The following GNAL variants were observed in gnomAD, a reference collection of about 807,000 sequenced individuals.
GNAL encodes G protein subunit alpha L, also known as guanine nucleotide-binding protein G(olf) subunit alpha.
A neutral mutation model predicts 55.1 loss-of-function variants in GNAL; 18 were observed. The ratio of observed to expected loss-of-function variants is 0.33; its 90% CI spans 0.23 to 0.48. GNAL has a LOEUF of 0.48. Ranked by LOEUF, GNAL falls within the 20% of genes least tolerant of loss-of-function variation. GNAL has a pLI of 0.99. For synonymous variants in GNAL, 253 were observed against 237.0 expected, an observed-to-expected ratio of 1.07 and a Z score of -0.62; for missense variants, 412 against 614.1, an observed-to-expected ratio of 0.67 and a Z score of 3.48.
chr18:11,740,386 G>C (rs2032551963), intron 1 of GNAL, among the ~76,000 whole-genome samples: 1 of 152,042 alleles, frequency 6.6e-6, no homozygotes, highest in African/African-American at 2.4e-5. Flanking sequence ...ACCAAGATCT[G>C]GGTACCGTCC....
At chr18:11,727,050 C>T (rs1351973501) in intron 1 of GNAL, among the ~76,000 whole-genome samples, 2 of 152,074 alleles carry the variant, frequency 1.3e-5, no homozygotes, top group Non-Finnish European at 2.9e-5. Context: ...TGTGCGTCCT[C>T]CACACCCCCA....
intron 1 of GNAL, among the ~76,000 whole-genome samples, chr18:11,719,126 A>G (rs1281746617): frequency 6.6e-6 from 1 of 152,188 alleles, no homozygotes; most frequent in East Asian, 1.9e-4. Context: ...TGTGTACTAT[A>G]TATTCTCCAA....
intron 1 of GNAL, among the ~76,000 whole-genome samples, chr18:11,715,987 CT>C (rs987470487): frequency 2.6e-5 from 4 of 151,824 alleles, no homozygotes; most frequent in African/African-American, 9.7e-5. Context: ...ATTAAAAAGA[CT>C]ACTATTAAAA....
At chr18:11,849,169 T>TA (rs2035799735) in intron 5 of GNAL, among the ~76,000 whole-genome samples, 1 of 152,210 alleles carries the variant, frequency 6.6e-6, no homozygotes, top group Admixed American at 6.5e-5. Context: ...CTCTCATGAT[T>TA]ATATTCCAAA....
At chr18:11,846,366 T>TCTAA (rs755553278) in intron 5 of GNAL, among the ~76,000 whole-genome samples, 28 of 150,932 alleles carry the variant, frequency 1.9e-4, no homozygotes, top group Admixed American at 5.3e-4. Context: ...TCTATTTCTT[T>TCTAA]CTCTTTCTTA....
intron 1 of GNAL, among the ~76,000 whole-genome samples, chr18:11,715,416 G>C (rs532716330): frequency 2.7e-5 from 4 of 147,466 alleles, no homozygotes; most frequent in Non-Finnish European, 1.5e-5. Context: ...AGCCGAGATC[G>C]CGCCACTGCA....
chr18:11,744,788 G>A (rs897559523), intron 1 of GNAL, among the ~76,000 whole-genome samples: 4 of 152,220 alleles, frequency 2.6e-5, no homozygotes, highest in Non-Finnish European at 4.4e-5. Flanking sequence ...ATGACTCACT[G>A]CAGCCTCGAC....
At chr18:11,763,852 G>A (rs946249485) in intron 4 of GNAL, among the ~76,000 whole-genome samples, 2 of 152,092 alleles carry the variant, frequency 1.3e-5, no homozygotes, top group Non-Finnish European at 2.9e-5. Context: ...TTGCTCAGCC[G>A]ACCTTTTTTG....
intron 4 of GNAL, among the ~76,000 whole-genome samples, chr18:11,783,935 A>G (rs1199356112): frequency 2.6e-5 from 4 of 152,170 alleles, no homozygotes; most frequent in African/African-American, 9.7e-5. Flanking sequence ...CATCAGTGTT[A>G]GTGGGGAGGA....
intron 4 of GNAL, among the ~76,000 whole-genome samples, chr18:11,781,604 A>T (rs2033926017): frequency 6.6e-6 from 1 of 152,252 alleles, no homozygotes; most frequent in Non-Finnish European, 1.5e-5. Flanking sequence ...ATTTTATATA[A>T]GGAACAAATT....
chr18:11,823,717 A>G (rs892391718), intron 4 of GNAL, among the ~76,000 whole-genome samples: 1 of 152,228 alleles, frequency 6.6e-6, no homozygotes, highest in Admixed American at 6.5e-5. Flanking sequence ...GATAAGCATG[A>G]AGGAGGAGTC....
intron 1 of GNAL, among the ~76,000 whole-genome samples, chr18:11,748,524 ACT>A (rs1568008114): frequency 7.4e-6 from 1 of 135,038 alleles, no homozygotes. Flanking sequence ...ATATTTTGGT[ACT>A]TTTTCATCAC....
chr18:11,722,071 G>C (rs2032107888), intron 1 of GNAL, among the ~76,000 whole-genome samples: 1 of 152,112 alleles, frequency 6.6e-6, no homozygotes, highest in Admixed American at 6.6e-5. Context: ...ACTAGCCAAG[G>C]AAAGCCACTC....
intron 4 of GNAL, among the ~76,000 whole-genome samples, chr18:11,755,523 C>T (rs28559971): frequency 8.5e-5 from 13 of 152,326 alleles, no homozygotes; most frequent in African/African-American, 2.6e-4. Context: ...GATCCACCCG[C>T]CTCGGCCTCC....
At chr18:11,851,592 G>A (rs774379192) in intron 5 of GNAL, 3 of 1,613,384 alleles carry the variant, frequency 1.9e-6, no homozygotes, top group Admixed American at 1.7e-5. Flanking sequence ...AATGCGATAA[G>A]GAGGAAAAGG....
chr18:11,752,127 C>T lies in GNAL; in HGVS notation c.377-726C>T. ...CCACCTCGGCTGTCTCCAGCGGAGACCGGCGCCCTCGCCCCCCGTCTCCGT... is the reference window on the plus strand; with the variant it reads ...CCACCTCGGCTGTCTCCAGCGGAGATCGGCGCCCTCGCCCCCCGTCTCCGT... On this transcript the variant is annotated intron_variant, in intron 1 of 11. Coordinates refer to ENST00000334049, the MANE Select transcript of GNAL (RefSeq NM_182978.4). This position sits in a 1 kb window ranked among gnomAD's most constrained non-coding sequence, Gnocchi z 4.5. 1 of 210,468 alleles carries T rather than the reference C, an allele frequency of 4.8e-6. No individual in the cohort carries two copies. Among genetic ancestry groups the T allele is most frequent in the South Asian group, 1.2e-4 (1 of 8,242 alleles). 13.0% of individuals were successfully genotyped at this position (210,468 alleles called of 1,614,324 possible).
At chr18:11,818,428 C>G (rs958312822) in intron 4 of GNAL, among the ~76,000 whole-genome samples, 6 of 152,292 alleles carry the variant, frequency 3.9e-5, no homozygotes, top group African/African-American at 1.4e-4. Flanking sequence ...TAAGTGGTTA[C>G]TGTCCTGAAA....
In GNAL at chr18:11,868,497, A is replaced by G. The variant is rs2036317308; in HGVS notation, c.911-46A>G. 1 of 1,556,990 alleles carries G rather than the reference A, an allele frequency of 6.4e-7. No individual in the cohort carries two copies. The highest frequency in any genetic ancestry group is 2.3e-5 in the East Asian group (1 of 44,434). On this transcript the variant is annotated intron_variant, in intron 8 of 11. Transcript: ENST00000334049. This position sits in a 1 kb window ranked among gnomAD's most constrained non-coding sequence, Gnocchi z 4.0. ...GGTGTGTACTTTCTTGTAACTCCAC[A>G]GTGAGGATGTCTAACTGAGGTGCTT...
In GNAL at chr18:11,884,827, G is replaced by C; in HGVS notation, c.*3692G>C. The C allele has an allele frequency of 7.2e-7, 1 of 1,398,490 alleles. No homozygotes were observed. Among genetic ancestry groups the C allele is most frequent in the East Asian group, 2.6e-5 (1 of 37,876 alleles). The allele number at this position is 1,398,490 out of a possible 1,614,324, so 86.6% of individuals were successfully genotyped here. ...CCGACCAGCCCAGGCTCCAGCAGGAGAGACAAGTAAGGCCCAAGTGTGCCT... is the reference window on the plus strand; with the variant it reads ...CCGACCAGCCCAGGCTCCAGCAGGACAGACAAGTAAGGCCCAAGTGTGCCT... On this transcript the variant is annotated 3_prime_UTR_variant, in exon 12 of 12. Transcript: ENST00000334049.
Sources: gnomAD v4.1 joint callset for allele counts (sites outside exome capture counted in the v4.1 genomes callset) on GRCh38, gnomAD v4.1.1 for gene constraint, Gnocchi (gnomAD v3.1) non-coding constraint, MANE v1.5 for transcripts, NCBI Gene and HGNC (gene_info 2026-07-23, HGNC 2026-07-21) for gene names.